The following IGF2R variants were observed in gnomAD, a reference collection of about 807,000 sequenced individuals.
IGF2R encodes cation-independent mannose-6-phosphate receptor.
IGF2R carries 91 observed loss-of-function variants against 270.6 expected under a neutral mutation model. The ratio of observed to expected loss-of-function variants is 0.34; its 90% CI spans 0.28 to 0.40. IGF2R has a LOEUF of 0.40. Among genes scored for constraint, IGF2R ranks in the 10% least tolerant of loss-of-function variants. The pLI is 1.00. For synonymous variants in IGF2R, 1,316 were observed against 1,258.9 expected (o/e 1.05, Z -0.96); for missense variants, 2,805 against 3,188.3 (o/e 0.88, Z 2.90).
At chr6:160,081,567 G>C (rs895020059) in intron 39 of IGF2R, among the ~76,000 whole-genome samples, 2 of 152,198 alleles carry the variant, frequency 1.3e-5, no homozygotes, top group Non-Finnish European at 2.9e-5. Flanking sequence ...AATTCGCCAG[G>C]CTGGAATTTC....
Position 160,062,684 on chromosome 6 carries a change from G to A in IGF2R, c.3670+65G>A, listed in dbSNP as rs891258533. The stretch of plus-strand genomic sequence containing the variant: ...TAGAGTAGCAGACGTTCTGAACGAT[G>A]CCTTAGATATGAGACCGTGTGATAA... On this transcript the variant is annotated intron_variant, in intron 26 of 47. Coordinates refer to ENST00000356956, the MANE Select transcript of IGF2R (RefSeq NM_000876.4). 3.4e-6 allele frequency: 4 copies of A among 1,163,850 alleles called. No homozygotes were observed. In the African/African-American group the frequency reaches 4.6e-5, roughly 13 times the overall value. The allele number at this position is 1,163,850 out of a possible 1,614,324, so 72.1% of individuals were successfully genotyped here.
chr6:160,053,121 A>G (rs146107117), intron 19 of IGF2R, among the ~76,000 whole-genome samples: 51 of 152,308 alleles, frequency 3.3e-4, no homozygotes, highest in African/African-American at 1.1e-3. Context: ...ACGGCAAAAG[A>G]AGCATGGATG....
Position 160,088,101 on chromosome 6 carries a change from A to T in IGF2R, c.6274A>T (p.Ile2092Leu). 1 of 1,614,036 alleles carries T rather than the reference A, an allele frequency of 6.2e-7. No individual in the cohort carries two copies. Among genetic ancestry groups the T allele is most frequent in the East Asian group, 2.2e-5 (1 of 44,892 alleles). The change falls in exon 42 of 48, where the codon ATA (isoleucine) becomes TTA (leucine). Residue 2092 changes from isoleucine to leucine, a missense_variant. Around this residue, in one of 2 missense-constraint regions of IGF2R, gnomAD observed 1,851 missense variants for 2,207.2 expected, o/e 0.84. Transcript: ENST00000356956. ...CGGNKTASSV[I>L]ELTCTKTVGR... The stretch of plus-strand genomic sequence containing the variant: ...TGGAAATAAGACCGCATCCTCCGTG[A>T]TAGAATTGACCTGTACAAAGACGGT...
At position 160,068,065 on chromosome 6, in the gene IGF2R, G is replaced by GTGTGTGTGT. The variant is rs973206316; in HGVS notation, c.4116-184_4116-183insTGTGTGTGT. 1.5e-3 allele frequency among the ~76,000 whole-genome samples: 114 copies of GTGTGTGTGT among 77,474 alleles called. 1 individual carries two copies. The highest frequency in any genetic ancestry group is 5.4e-3 in the African/African-American group (107 of 19,840). 50.8% of individuals were successfully genotyped at this position (77,474 alleles called of 152,430 possible). A position where few individuals can be genotyped will look rare whatever the true frequency, so the allele number is the denominator to read the frequency against. On this transcript the variant is annotated intron_variant, in intron 29 of 47. Transcript: ENST00000356956. ...TATGTTGTTGCTGATTCTGATGGGG[G>GTGTGTGTGT]GTGTGTGTGTGTGTGTGTGTGTGTG... is the stretch of plus-strand genomic sequence containing the variant.
chr6:160,016,202 C>G (rs1777295170), intron 4 of IGF2R, among the ~76,000 whole-genome samples: 1 of 152,202 alleles, frequency 6.6e-6, no homozygotes, highest in Non-Finnish European at 1.5e-5. Flanking sequence ...CTGCTATTGC[C>G]TGCTATGCTG....
rs751878036 is a variant in IGF2R at position 160,046,535 on chromosome 6, T to C, written c.1941T>C (p.Asn647=). 6.2e-7 allele frequency: 1 copy of C among 1,612,986 alleles called. No homozygotes were observed. Among genetic ancestry groups the C allele is most frequent in the Non-Finnish European group, 8.5e-7 (1 of 1,179,742 alleles). ...ACTTATCACCTCTCACAAAGAAAAA[T>C]GGTGCCTATAAAGTTGAGACAAAGA... ...SFDLSPLTKK[N]GAYKVETKKY... is the part of the protein sequence containing the mutation. Residue 647 remains asparagine (N), a synonymous_variant, in exon 15 of 48, where the codon AAT becomes AAC. Transcript: ENST00000356956.
intron 35 of IGF2R, among the ~76,000 whole-genome samples, chr6:160,075,071 GAAC>G (rs1778826170): frequency 6.6e-6 from 1 of 152,180 alleles, no homozygotes; most frequent in South Asian, 2.1e-4. Context: ...CTGTAGCTGA[GAAC>G]AAAATCATGG....
intron 1 of IGF2R, among the ~76,000 whole-genome samples, chr6:159,987,834 A>C (rs914849629): frequency 6.6e-6 from 1 of 152,190 alleles, no homozygotes; most frequent in Non-Finnish European, 1.5e-5. Context: ...GAACTCTGAG[A>C]TATTGGTGCC....
At chr6:160,097,127 A>G (rs1377145319) in intron 45 of IGF2R, among the ~76,000 whole-genome samples, 2 of 152,232 alleles carry the variant, frequency 1.3e-5, no homozygotes, top group Non-Finnish European at 2.9e-5. Flanking sequence ...GAATGAATGA[A>G]AAGCTTACTC....
At position 160,097,296 on chromosome 6, in the gene IGF2R, T is replaced by C. The variant is rs6930994; in HGVS notation, c.6842+671T>C. Among the ~76,000 whole-genome samples the C allele has an allele frequency of 5.7e-3, 867 of 152,344 alleles. 14 individuals are homozygous for C. The highest frequency in any genetic ancestry group is 0.02 in the African/African-American group (837 of 41,590). On this transcript the variant is annotated intron_variant, in intron 45 of 47. Coordinates refer to ENST00000356956, the MANE Select transcript of IGF2R (RefSeq NM_000876.4). ...TCCTCTTGGATTTATTTTCTTCTTA[T>C]GTTACCCCCACCCATCATTGTATTT...
intron 4 of IGF2R, among the ~76,000 whole-genome samples, chr6:160,012,016 C>T (rs1365787367): frequency 6.6e-6 from 1 of 151,892 alleles, no homozygotes; most frequent in Non-Finnish European, 1.5e-5. Flanking sequence ...AACATTAATT[C>T]AGATTAAATT....
At chr6:159,970,799 C>T (rs1583234103) in intron 1 of IGF2R, among the ~76,000 whole-genome samples, 1 of 152,222 alleles carries the variant, frequency 6.6e-6, no homozygotes, top group East Asian at 1.9e-4. Flanking sequence ...ATTAACTCGC[C>T]TGGGCGCGGT....
intron 1 of IGF2R, among the ~76,000 whole-genome samples, chr6:159,983,269 G>T (rs891168282): frequency 6.6e-6 from 1 of 152,208 alleles, no homozygotes; most frequent in Non-Finnish European, 1.5e-5. Context: ...TAGCAGGAAA[G>T]TAGAAACACC....
chr6:160,066,040 A>G (rs1349269452), intron 29 of IGF2R, among the ~76,000 whole-genome samples: 3 of 141,212 alleles, frequency 2.1e-5, no homozygotes. Flanking sequence ...AATGAGACAG[A>G]GTCTTGCACT....
chr6:160,000,416 A>T (rs1784109884), intron 2 of IGF2R, among the ~76,000 whole-genome samples: 3 of 152,094 alleles, frequency 2.0e-5, no homozygotes, highest in African/African-American at 7.2e-5. Flanking sequence ...GCACTTGGGG[A>T]TGGTGCTACA....
chr6:159,970,807 G>A (rs111482193), intron 1 of IGF2R, among the ~76,000 whole-genome samples: 2 of 152,224 alleles, frequency 1.3e-5, no homozygotes, highest in African/African-American at 2.4e-5. Context: ...GCCTGGGCGC[G>A]GTGGCTCATG....
intron 39 of IGF2R, among the ~76,000 whole-genome samples, chr6:160,081,139 A>G (rs1322720234): frequency 2.7e-5 from 4 of 147,784 alleles, no homozygotes; most frequent in African/African-American, 1.0e-4. Context: ...AAAAAAAAAA[A>G]GAAAAATTAC....
At chr6:160,008,839 A>G (rs181839190) in intron 2 of IGF2R, among the ~76,000 whole-genome samples, 171 bp from the exon 3 acceptor site, 203 of 152,328 alleles carry the variant, frequency 1.3e-3, no homozygotes, top group Non-Finnish European at 2.5e-3. Flanking sequence ...CACTTAATGT[A>G]ATGTAATGGG....
intron 1 of IGF2R, among the ~76,000 whole-genome samples, chr6:159,988,701 A>G (rs1012432778): frequency 6.6e-6 from 1 of 152,038 alleles, no homozygotes; most frequent in African/African-American, 2.4e-5. Context: ...GTTATCCTGG[A>G]GAAACTAGTC....
Sources: gnomAD v4.1 joint callset for allele counts (sites outside exome capture counted in the v4.1 genomes callset) on GRCh38, gnomAD v4.1.1 for gene constraint, gnomAD v4.1.1 regional missense constraint, MANE v1.5 for transcripts, NCBI Gene and HGNC (gene_info 2026-07-23, HGNC 2026-07-21) for gene names.